The following LIFR variants were observed in gnomAD, a reference collection of about 807,000 sequenced individuals.
LIFR encodes the protein LIF receptor subunit alpha.
LIFR carries 84 observed loss-of-function variants against 122.2 expected under a neutral mutation model. The observed-to-expected ratio is 0.69, with a 90% confidence interval of 0.58 to 0.82. LIFR has a LOEUF of 0.82. Ranked by LOEUF, LIFR falls within the 40% of genes least tolerant of loss-of-function variation. The pLI is 0.00. For missense variants in LIFR, 1,294 were observed against 1,311.6 expected, an observed-to-expected ratio of 0.99 and a Z score of 0.21; for synonymous variants, 422 against 434.7, an observed-to-expected ratio of 0.97 and a Z score of 0.36.
chr5:38,505,918 A>G lies in LIFR; in HGVS notation c.1278T>C (p.Asn426=). ...TGTACAGCTTACCTTTTTCAGTTAT[A>G]TTAACTAAAATTGTTGATTGTGATC... is the stretch of plus-strand genomic sequence containing the variant. ...LGRSQSTILV[N]ITEKVYPHTP... The change falls in exon 9 of 20, where the codon AAT becomes AAC. Residue 426 remains asparagine, a synonymous_variant. Coordinates refer to ENST00000453190, the MANE Select transcript of LIFR (RefSeq NM_001127671.2). 6.2e-7 allele frequency: 1 copy of G among 1,604,434 alleles called. No individual in the cohort carries two copies. The highest frequency in any genetic ancestry group is 8.5e-7 in the Non-Finnish European group (1 of 1,174,260).
rs10069089 is a variant in LIFR, at chr5:38,501,993, T to A, written c.1600+644A>T. On this transcript the variant is annotated intron_variant, in intron 11 of 19. Transcript: ENST00000453190. Reference sequence around the variant, plus strand: ...TTTTTTAGTAATTGTTTTTTTTTTTTAAAAAAAAGGCCAATGAGTTAAAAG... The same window carrying A: ...TTTTTTAGTAATTGTTTTTTTTTTTAAAAAAAAAGGCCAATGAGTTAAAAG... Among the ~76,000 whole-genome samples the A allele has an allele frequency of 6.8e-3, 1,018 of 149,492 alleles. 2 individuals carry two copies. The highest frequency in any genetic ancestry group is 0.02 in the African/African-American group (833 of 40,726).
At chr5:38,579,058 C>T (rs1443316982) in intron 1 of LIFR, 1 of 152,188 alleles carries the variant, frequency 6.6e-6, no homozygotes, top group East Asian at 1.9e-4. Context: ...ACCTTAGGCT[C>T]AGTTGGCTGT....
intron 1 of LIFR, among the ~76,000 whole-genome samples, chr5:38,554,038 T>C (rs910355250): frequency 6.6e-6 from 1 of 152,166 alleles, no homozygotes; most frequent in African/African-American, 2.4e-5. Context: ...GAGTGCCTAA[T>C]GGCAACCGAA....
At chr5:38,503,928 C>G in intron 10 of LIFR, 48 bp downstream of exon 10, 1 of 1,325,896 alleles carries the variant, frequency 7.5e-7, no homozygotes, top group Non-Finnish European at 1.1e-6. Flanking sequence ...TTTTTGAGAA[C>G]TATTTTATCC....
At chr5:38,552,541 T>A (rs1240316126) in intron 1 of LIFR, among the ~76,000 whole-genome samples, 1 of 152,154 alleles carries the variant, frequency 6.6e-6, no homozygotes, top group Admixed American at 6.5e-5. Flanking sequence ...AAAGGCATCT[T>A]TGAACTCTTA....
chr5:38,590,498 T>A (rs1580239366), intron 1 of LIFR, among the ~76,000 whole-genome samples: 1 of 152,352 alleles, frequency 6.6e-6, no homozygotes, highest in South Asian at 2.1e-4. Context: ...TCCTGTGATA[T>A]TTTAGGTAAC....
rs566540398 is a variant in LIFR at position 38,475,861 on chromosome 5, C to T, written c.*5734G>A. 1 of 188,786 alleles carries T rather than the reference C, an allele frequency of 5.3e-6. No homozygotes were observed. Among genetic ancestry groups the T allele is most frequent in the African/African-American group, 2.3e-5 (1 of 42,816 alleles). 11.7% of individuals were successfully genotyped at this position (188,786 alleles called of 1,614,324 possible). A position where few individuals can be genotyped will look rare whatever the true frequency, so the allele number is the denominator to read the frequency against. ...CTTTCAACATACTTTTAAGATGGTA[C>T]TATCTTAAATCTAGGATGTCTATCT... On this transcript the variant is annotated 3_prime_UTR_variant, in exon 20 of 20. Transcript: ENST00000453190.
intron 1 of LIFR, among the ~76,000 whole-genome samples, chr5:38,589,718 ATG>A (rs35505046): frequency 0.021 from 3,000 of 146,156 alleles, 72 homozygotes; most frequent in African/African-American, 0.049. Flanking sequence ...AGAGAAGAAA[ATG>A]TGTGTGTGTG....
At position 38,480,898 on chromosome 5, in the gene LIFR, T is replaced by G. The variant is rs1325501697; in HGVS notation, c.*697A>C. The G allele has an allele frequency of 2.3e-5, 5 of 220,374 alleles. No homozygotes were observed. The highest frequency in any genetic ancestry group is 4.6e-5 in the Non-Finnish European group (5 of 109,766). The allele number at this position is 220,374 out of a possible 1,614,324, so 13.7% of individuals were successfully genotyped here. A position where few individuals can be genotyped will look rare whatever the true frequency, so the allele number is the denominator to read the frequency against. On this transcript the variant is annotated 3_prime_UTR_variant, in exon 20 of 20. Transcript: ENST00000453190. ...ATAATGAAAAGGCTTGCAAAACCTA[T>G]CACAGCAAGAAAACATGATTATGAT... is the stretch of plus-strand genomic sequence containing the variant.
chr5:38,493,844 T>C, intron 13 of LIFR, 59 bp from the exon 14 acceptor site: 3 of 1,399,050 alleles, frequency 2.1e-6, no homozygotes, highest in Non-Finnish European at 3.0e-6. Context: ...AAGGCAAATC[T>C]CATAAAAATG....
At chr5:38,485,372 C>T (rs529538739) in intron 17 of LIFR, among the ~76,000 whole-genome samples, 4 of 152,262 alleles carry the variant, frequency 2.6e-5, no homozygotes, top group Admixed American at 6.5e-5. Flanking sequence ...AGCCTATGAT[C>T]GAAGTGAAGT....
intron 1 of LIFR, among the ~76,000 whole-genome samples, chr5:38,593,126 C>G (rs913032998): frequency 6.6e-6 from 1 of 152,126 alleles, no homozygotes; most frequent in African/African-American, 2.4e-5. Context: ...TCCCTTGAAC[C>G]CAGGAGGCGG....
At chr5:38,526,750 T>C (rs1746709469) in intron 4 of LIFR, among the ~76,000 whole-genome samples, 1 of 152,194 alleles carries the variant, frequency 6.6e-6, no homozygotes, top group South Asian at 2.1e-4. Context: ...ATACATTACA[T>C]GATATGTAAA....
chr5:38,533,093 G>C (rs1747104941), intron 1 of LIFR, among the ~76,000 whole-genome samples: 1 of 152,108 alleles, frequency 6.6e-6, no homozygotes, highest in Admixed American at 6.5e-5. Context: ...TTCCAGATGA[G>C]GTAGAAATCT....
chr5:38,529,105 C>G (rs1746862544), intron 2 of LIFR, among the ~76,000 whole-genome samples: 2 of 151,672 alleles, frequency 1.3e-5, no homozygotes, highest in South Asian at 4.2e-4. Context: ...GGGCCAGCTA[C>G]TAGACCATTT....
At chr5:38,568,992 C>A (rs2112711044) in intron 1 of LIFR, among the ~76,000 whole-genome samples, 1 of 152,326 alleles carries the variant, frequency 6.6e-6, no homozygotes, top group South Asian at 2.1e-4. Flanking sequence ...CAGTGATGAT[C>A]AGTCATTGAT....
upstream of LIFR, among the ~76,000 whole-genome samples, chr5:38,598,227 T>A (rs1479878776): frequency 6.0e-3 from 506 of 84,780 alleles, 8 homozygotes; most frequent in African/African-American, 0.034. Flanking sequence ...TTTTTTTTTT[T>A]TTTTTATTTA....
At chr5:38,552,036 C>T (rs922123733) in intron 1 of LIFR, among the ~76,000 whole-genome samples, 3 of 152,206 alleles carry the variant, frequency 2.0e-5, no homozygotes, top group Admixed American at 6.5e-5. Context: ...AGAGCTTTTA[C>T]TATATCAGGA....
chr5:38,507,198 C>T (rs549105044), intron 7 of LIFR, among the ~76,000 whole-genome samples: 1 of 151,948 alleles, frequency 6.6e-6, no homozygotes, highest in African/African-American at 2.4e-5. Context: ...CAAAACTGCT[C>T]TCCCCAGCTT....
Sources: gnomAD v4.1 joint callset for allele counts (sites outside exome capture counted in the v4.1 genomes callset) on GRCh38, gnomAD v4.1.1 for gene constraint, MANE v1.5 for transcripts, NCBI Gene and HGNC (gene_info 2026-07-23, HGNC 2026-07-21) for gene names.